Variants in TCF4 observed in about 807,000 individuals in gnomAD.
The protein encoded by TCF4 is SL3-3 enhancer factor 2.
A neutral mutation model predicts 82.1 loss-of-function variants in TCF4; 3 were observed. The ratio of observed to expected loss-of-function variants is 0.04; its 90% confidence interval spans 0.02 to 0.09. The LOEUF is 0.09. TCF4 is among the 10% of genes least tolerant of loss of function. TCF4 has a pLI of 1.00. For synonymous variants in TCF4, 276 were observed against 309.6 expected, an observed-to-expected ratio of 0.89 and a Z score of 1.14; for missense variants, 518 against 852.7, an observed-to-expected ratio of 0.61 and a Z score of 4.89.
At chr18:55,579,427 T>C (rs2097556655) in intron 3 of TCF4, among the ~76,000 whole-genome samples, 1 of 146,346 alleles carries the variant, frequency 6.8e-6, no homozygotes, top group Non-Finnish European at 1.5e-5. Flanking sequence ...AACAAACACC[T>C]GGCCATAAAA....
At chr18:55,552,011 T>C (rs780926841) in intron 3 of TCF4, among the ~76,000 whole-genome samples, 1 of 152,194 alleles carries the variant, frequency 6.6e-6, no homozygotes, top group Non-Finnish European at 1.5e-5. Context: ...CAGTGACATA[T>C]AAATATCTAA....
At chr18:55,377,666 CACTGT>C (rs1452657129) in intron 6 of TCF4, among the ~76,000 whole-genome samples, 1 of 152,224 alleles carries the variant, frequency 6.6e-6, no homozygotes, top group Non-Finnish European at 1.5e-5. Context: ...ATCATGTTAC[CACTGT>C]CCAGGGACCC....
At chr18:55,629,510 G>T (rs187764727) in intron 2 of TCF4, among the ~76,000 whole-genome samples, 2 of 152,254 alleles carry the variant, frequency 1.3e-5, no homozygotes, top group East Asian at 3.9e-4. Flanking sequence ...AGATACTATG[G>T]GGCTTGGGTG....
At chr18:55,629,042 TAATA>T (rs1160657913) in intron 2 of TCF4, among the ~76,000 whole-genome samples, 2 of 152,232 alleles carry the variant, frequency 1.3e-5, no homozygotes, top group African/African-American at 2.4e-5. Context: ...AGTTCCCATG[TAATA>T]AATATTGTAT....
chr18:55,584,937 T>A (rs2097623119), intron 3 of TCF4, among the ~76,000 whole-genome samples: 1 of 152,064 alleles, frequency 6.6e-6, no homozygotes, highest in Non-Finnish European at 1.5e-5. Flanking sequence ...ATGTTAGAGA[T>A]TTTTTCCCCT....
intron 8 of TCF4, among the ~76,000 whole-genome samples, chr18:55,296,118 T>G (rs2066440593): frequency 6.6e-6 from 1 of 152,150 alleles, no homozygotes; most frequent in Admixed American, 6.5e-5. Context: ...TTTTTTTTTT[T>G]TTTAAACAAC....
At chr18:55,553,923 A>G (rs1221565256) in intron 3 of TCF4, among the ~76,000 whole-genome samples, 2 of 152,176 alleles carry the variant, frequency 1.3e-5, no homozygotes, top group Admixed American at 1.3e-4. Context: ...AAAGGAAAAG[A>G]AAAAAACAAG....
chr18:55,634,082 A>C (rs1163066793), intron 1 of TCF4, among the ~76,000 whole-genome samples: 2 of 152,188 alleles, frequency 1.3e-5, no homozygotes, highest in African/African-American at 4.8e-5. Flanking sequence ...CAGCCTGGCC[A>C]ACATGATGAA....
At chr18:55,241,986 T>C (rs1034373801) in intron 15 of TCF4, among the ~76,000 whole-genome samples, 3 of 152,142 alleles carry the variant, frequency 2.0e-5, no homozygotes, top group Non-Finnish European at 4.4e-5. Context: ...ACTATCAATG[T>C]TCAATTACCT....
chr18:55,559,517 G>T (rs2097336474), intron 3 of TCF4, among the ~76,000 whole-genome samples: 1 of 151,618 alleles, frequency 6.6e-6, no homozygotes, highest in Non-Finnish European at 1.5e-5. Flanking sequence ...GAAATACAAA[G>T]AAACTAGGAC....
At position 55,289,055 on chromosome 18, in the gene TCF4, C is replaced by T. The variant is rs139989730; in HGVS notation, c.550-9399G>A. ...ACTCTATGTTTCCTATTACTTTCAA[C>T]GTGGTGTATCAGACGAATGCCCACT... On this transcript the variant is annotated intron_variant, in intron 8 of 19. Transcript: ENST00000354452. Among the ~76,000 whole-genome samples, 12 of 152,324 alleles carry T rather than the reference C, an allele frequency of 7.9e-5. 1 individual carries two copies. Among genetic ancestry groups the T allele is most frequent in the African/African-American group, 1.4e-4 (6 of 41,578 alleles).
intron 3 of TCF4, among the ~76,000 whole-genome samples, chr18:55,474,531 G>T (rs1441765577): frequency 6.6e-6 from 1 of 152,024 alleles, no homozygotes; most frequent in Non-Finnish European, 1.5e-5. Flanking sequence ...GACCAATCTT[G>T]AAATGATTCC....
chr18:55,303,787 C>T (rs894036076), intron 8 of TCF4, among the ~76,000 whole-genome samples: 7 of 151,950 alleles, frequency 4.6e-5, no homozygotes, highest in Non-Finnish European at 5.9e-5. Flanking sequence ...AAGGTTAACA[C>T]GACATGAAAA....
intron 3 of TCF4, among the ~76,000 whole-genome samples, chr18:55,466,126 T>C (rs941508094): frequency 2.0e-5 from 3 of 152,316 alleles, no homozygotes; most frequent in African/African-American, 7.2e-5. Context: ...TGGGTGTTGC[T>C]AGTGGCATTG....
chr18:55,460,425 T>G (rs1282374225), intron 5 of TCF4, among the ~76,000 whole-genome samples: 1 of 152,132 alleles, frequency 6.6e-6, no homozygotes, highest in Non-Finnish European at 1.5e-5. Context: ...ATGCCGGAGA[T>G]TCACAGACAG....
At chr18:55,297,702 TTATAA>T (rs954191461) in intron 8 of TCF4, among the ~76,000 whole-genome samples, 2 of 151,996 alleles carry the variant, frequency 1.3e-5, no homozygotes, top group Admixed American at 1.3e-4. Flanking sequence ...GCATTACAAA[TTATAA>T]TATAATTTTA....
At chr18:55,583,083 C>T (rs2097592353) in intron 3 of TCF4, among the ~76,000 whole-genome samples, 6 of 152,082 alleles carry the variant, frequency 3.9e-5, no homozygotes. Flanking sequence ...AATCTGTACC[C>T]TACATATTAT....
chr18:55,582,407 C>T (rs1038128555), intron 3 of TCF4, among the ~76,000 whole-genome samples: 2 of 152,102 alleles, frequency 1.3e-5, no homozygotes, highest in Admixed American at 6.6e-5. Context: ...AGCTCTGAAC[C>T]ATCATGGCTG....
At chr18:55,247,179 G>C (rs1255175362) in intron 15 of TCF4, among the ~76,000 whole-genome samples, 1 of 152,226 alleles carries the variant, frequency 6.6e-6, no homozygotes, top group Non-Finnish European at 1.5e-5. Context: ...CACTCGTGTA[G>C]AAAGAATGTC....
Sources: allele counts gnomAD v4.1 joint callset (sites outside exome capture counted in the v4.1 genomes callset), GRCh38; gene constraint gnomAD v4.1.1; transcripts MANE v1.5; gene names NCBI Gene and HGNC (gene_info 2026-07-23, HGNC 2026-07-21).